The following SPAG16 variants were observed in gnomAD, a reference collection of about 807,000 sequenced individuals.
SPAG16 encodes the protein sperm-associated antigen 16 protein.
A neutral mutation model predicts 80.4 loss-of-function variants in SPAG16; 86 were observed. That is an observed-to-expected ratio of 1.07 (90% CI 0.90 to 1.28). SPAG16 has a LOEUF of 1.28. Ranked by LOEUF, SPAG16 falls within the 50% of genes most tolerant of loss-of-function variation. SPAG16 has a pLI of 0.00. For missense variants in SPAG16, 870 were observed against 765.3 expected, an observed-to-expected ratio of 1.14 and a Z score of -1.61; for synonymous variants, 294 against 265.9, an observed-to-expected ratio of 1.11 and a Z score of -1.03.
At chr2:214,226,514 T>A (rs2058700668) in intron 15 of SPAG16, among the ~76,000 whole-genome samples, 1 of 152,020 alleles carries the variant, frequency 6.6e-6, no homozygotes. Flanking sequence ...AACCATCATA[T>A]CTGTGACAAG....
intron 10 of SPAG16, among the ~76,000 whole-genome samples, chr2:213,553,763 G>A (rs1218087904): frequency 6.6e-6 from 1 of 152,114 alleles, no homozygotes; most frequent in Non-Finnish European, 1.5e-5. Context: ...AAGACCCAGA[G>A]CCAAGTCCTC....
At chr2:213,798,922 A>G (rs529251207) in intron 10 of SPAG16, among the ~76,000 whole-genome samples, 1 of 152,166 alleles carries the variant, frequency 6.6e-6, no homozygotes, top group Non-Finnish European at 1.5e-5. Context: ...TCTTAATTAT[A>G]TTCCATTTAT....
intron 12 of SPAG16, among the ~76,000 whole-genome samples, chr2:213,945,850 C>G (rs1037754718): frequency 6.6e-6 from 1 of 152,100 alleles, no homozygotes; most frequent in South Asian, 2.1e-4. Flanking sequence ...TTTTAGCCAC[C>G]CAGATCCTAA....
At chr2:213,976,167 C>T (rs1049040648) in intron 12 of SPAG16, among the ~76,000 whole-genome samples, 12 of 133,620 alleles carry the variant, frequency 9.0e-5, no homozygotes, top group East Asian at 2.2e-4. Flanking sequence ...TATGTATATA[C>T]ATATATATAC....
At chr2:213,956,489 C>G (rs1373645309) in intron 12 of SPAG16, among the ~76,000 whole-genome samples, 1 of 144,874 alleles carries the variant, frequency 6.9e-6, no homozygotes, top group Non-Finnish European at 1.5e-5. Context: ...ACTCTGTCAC[C>G]CAGGCTGGAG....
intron 12 of SPAG16, among the ~76,000 whole-genome samples, chr2:213,953,847 A>G (rs1041281702): frequency 6.6e-6 from 1 of 152,054 alleles, no homozygotes; most frequent in Non-Finnish European, 1.5e-5. Context: ...CATTAAATGA[A>G]CCAAAAGATT....
chr2:213,777,824 A>G (rs1267915961), intron 10 of SPAG16, among the ~76,000 whole-genome samples: 1 of 152,300 alleles, frequency 6.6e-6, no homozygotes, highest in East Asian at 1.9e-4. Context: ...GACTTGAGCC[A>G]CTGGGCCTGG....
At chr2:214,097,742 T>G (rs2052700075) in intron 13 of SPAG16, among the ~76,000 whole-genome samples, 1 of 151,994 alleles carries the variant, frequency 6.6e-6, no homozygotes, top group Non-Finnish European at 1.5e-5. Flanking sequence ...TCGTTGTGGT[T>G]ATAATTATGA....
chr2:214,118,542 C>T (rs1685227634), intron 14 of SPAG16, among the ~76,000 whole-genome samples: 2 of 152,102 alleles, frequency 1.3e-5, no homozygotes, highest in Admixed American at 1.3e-4. Flanking sequence ...GGGAATCAAA[C>T]ACATCCTTCT....
chr2:213,391,300 T>A (rs768328407), intron 9 of SPAG16, among the ~76,000 whole-genome samples: 5 of 152,140 alleles, frequency 3.3e-5, no homozygotes, highest in Non-Finnish European at 4.4e-5. Context: ...TACATAATAT[T>A]TTGTTAAGGG....
chr2:213,491,582 A>T (rs1223780772), intron 10 of SPAG16, among the ~76,000 whole-genome samples: 1 of 152,182 alleles, frequency 6.6e-6, no homozygotes, highest in East Asian at 1.9e-4. Context: ...ATGCTGGTCT[A>T]CTTGTGTGAT....
intron 15 of SPAG16, among the ~76,000 whole-genome samples, chr2:214,195,307 A>AGATAGATAGATAGATG (rs2057796433): frequency 6.6e-6 from 1 of 151,336 alleles, no homozygotes; most frequent in South Asian, 2.1e-4. Context: ...GAGAGATGAT[A>AGATAGATAGATAGATG]GATAGATAGA....
chr2:213,928,179 G>A (rs557426581), intron 11 of SPAG16, among the ~76,000 whole-genome samples: 7 of 152,052 alleles, frequency 4.6e-5, no homozygotes, highest in African/African-American at 1.4e-4. Flanking sequence ...TCTGCCTTCC[G>A]GGTTCAAGTG....
chr2:214,220,357 ATAGTT>A (rs2058536137), intron 15 of SPAG16, among the ~76,000 whole-genome samples: 1 of 152,158 alleles, frequency 6.6e-6, no homozygotes, highest in Non-Finnish European at 1.5e-5. Flanking sequence ...CTGGATAGAT[ATAGTT>A]TCAGATAATT....
chr2:213,909,020 C>T (rs559447554), intron 11 of SPAG16, among the ~76,000 whole-genome samples: 9 of 151,474 alleles, frequency 5.9e-5, no homozygotes, highest in East Asian at 3.9e-4. Flanking sequence ...TGAGAACATG[C>T]GGTGTTTGTT....
Position 214,042,433 on chromosome 2 carries a change from AAACAACAAC to A in SPAG16, c.1527+28380_1527+28388del, listed in dbSNP as rs150244128. 4.9e-3 allele frequency among the ~76,000 whole-genome samples: 733 copies of A among 149,836 alleles called. 8 individuals are homozygous for A. Among genetic ancestry groups the A allele is most frequent in the Middle Eastern group, 0.025 (7 of 280 alleles). On this transcript the variant is annotated intron_variant, in intron 13 of 15. Transcript: ENST00000331683. ...CCATGAAGAAGTAAAAACAAAAACA[AAACAACAAC>A]AACAACAACAACAACAACAACAAAA...
intron 15 of SPAG16, among the ~76,000 whole-genome samples, chr2:214,393,511 A>G (rs1311376556): frequency 6.6e-6 from 1 of 151,942 alleles, no homozygotes; most frequent in Non-Finnish European, 1.5e-5. Flanking sequence ...ATTTTTATGA[A>G]TATTTTCCCA....
intron 15 of SPAG16, among the ~76,000 whole-genome samples, chr2:214,253,155 T>C (rs1475010678): frequency 6.6e-6 from 1 of 151,868 alleles, no homozygotes; most frequent in Non-Finnish European, 1.5e-5. Flanking sequence ...AGTTGTTTAT[T>C]TTTTTTCTTG....
At chr2:213,393,898 A>T (rs558984208) in intron 9 of SPAG16, among the ~76,000 whole-genome samples, 1 of 151,930 alleles carries the variant, frequency 6.6e-6, no homozygotes, top group Non-Finnish European at 1.5e-5. Context: ...GTGAAATAAC[A>T]GTTCATATCT....
Sources: allele counts gnomAD v4.1 joint callset (sites outside exome capture counted in the v4.1 genomes callset), GRCh38; gene constraint gnomAD v4.1.1; transcripts MANE v1.5; gene names NCBI Gene and HGNC (gene_info 2026-07-23, HGNC 2026-07-21).